Variants in PLCB1 observed in about 807,000 individuals in gnomAD.
PLCB1 encodes the protein 1-phosphatidylinositol 4,5-bisphosphate phosphodiesterase beta-1.
A neutral mutation model predicts 161.8 loss-of-function variants in PLCB1; 46 were observed. The observed-to-expected ratio is 0.28, with a 90% CI of 0.22 to 0.36. PLCB1 has a LOEUF of 0.36. PLCB1 is among the 10% of genes least tolerant of loss of function. The pLI is 1.00. For synonymous variants in PLCB1, 517 were observed against 503.7 expected, an observed-to-expected ratio of 1.03 and a Z score of -0.35; for missense variants, 1,016 against 1,472.5, an observed-to-expected ratio of 0.69 and a Z score of 5.07.
intron 11 of PLCB1, among the ~76,000 whole-genome samples, chr20:8,705,392 T>C (rs1025898440): frequency 6.6e-6 from 1 of 152,204 alleles, no homozygotes; most frequent in Non-Finnish European, 1.5e-5. Context: ...TGAAAGTATT[T>C]CCTGAGCATC....
intron 2 of PLCB1, among the ~76,000 whole-genome samples, chr20:8,273,351 T>C (rs1467060988): frequency 6.6e-6 from 1 of 152,124 alleles, no homozygotes; most frequent in Non-Finnish European, 1.5e-5. Flanking sequence ...AGTCTAAAGG[T>C]CTCGAAGTTG....
At chr20:8,790,407 GAA>G (rs749868739) in intron 31 of PLCB1, 146 bp downstream of exon 31, 1 of 586,780 alleles carries the variant, frequency 1.7e-6, no homozygotes, top group African/African-American at 1.9e-5. Flanking sequence ...CTCAATGAAG[GAA>G]AAAATATAGC....
At chr20:8,217,860 GT>G (rs762689649) in intron 2 of PLCB1, among the ~76,000 whole-genome samples, 7 of 152,050 alleles carry the variant, frequency 4.6e-5, no homozygotes, top group Non-Finnish European at 8.8e-5. Context: ...TTACTCTCTT[GT>G]TCTTGCTCCC....
Position 8,740,442 on chromosome 20 carries a change from T to C in PLCB1, c.2407T>C (p.Tyr803His). Reference protein sequence around the residue: ...IEVKDYVPDTYADVIEALSNP... With the variant: ...IEVKDYVPDTHADVIEALSNP... ...AGTGAAAGACTATGTGCCAGACACA[T>C]ATGCAGGTAAACAACTTAACTCAAA... Residue 803 changes from tyrosine (Y) to histidine (H), a missense_variant, in exon 22 of 32, where the codon TAT becomes CAT. Tyr to His is a moderately conservative substitution (Grantham distance 83). Coordinates refer to ENST00000338037, the MANE Select transcript of PLCB1 (RefSeq NM_015192.4). The C allele has an allele frequency of 6.4e-7, 1 of 1,556,658 alleles. No individual in the cohort carries two copies.
rs551885672 is a variant in PLCB1, at chr20:8,579,318, G to A, written c.247-48976G>A. On this transcript the variant is annotated intron_variant, in intron 3 of 31. Transcript: ENST00000338037. ...TCCGGCCAGAGGAGGAATCACATGGGCTAGAGCTGAGTATCCACAGTTGTC... is the reference window on the plus strand; with the variant it reads ...TCCGGCCAGAGGAGGAATCACATGGACTAGAGCTGAGTATCCACAGTTGTC... Among the ~76,000 whole-genome samples the A allele has an allele frequency of 5.3e-5, 8 of 152,320 alleles. No individual in the cohort carries two copies. The East Asian group carries it at 1.5e-3, about 29-fold the overall frequency.
intron 16 of PLCB1, among the ~76,000 whole-genome samples, chr20:8,726,367 C>A (rs1299945918): frequency 6.6e-6 from 1 of 152,124 alleles, no homozygotes; most frequent in Non-Finnish European, 1.5e-5. Flanking sequence ...ATCCTCCTCT[C>A]TGGCCTCTAT....
intron 31 of PLCB1, among the ~76,000 whole-genome samples, chr20:8,808,303 C>T (rs1984640829): frequency 6.6e-6 from 1 of 152,168 alleles, no homozygotes; most frequent in Non-Finnish European, 1.5e-5. Context: ...TCTGGGTTTG[C>T]AGACAGTGGC....
intron 3 of PLCB1, among the ~76,000 whole-genome samples, chr20:8,539,664 C>CTTTCTTTTTCTT (rs1555768766): frequency 1.1e-5 from 1 of 93,744 alleles, no homozygotes; most frequent in African/African-American, 4.4e-5. Context: ...TTCTTTCTTT[C>CTTTCTTTTTCTT]TTTCTTTCTT....
chr20:8,879,515 C>T (rs914288212), intron 31 of PLCB1, among the ~76,000 whole-genome samples: 10 of 151,804 alleles, frequency 6.6e-5, no homozygotes, highest in African/African-American at 1.9e-4. Context: ...TATGACAGGG[C>T]ATACATGAAA....
intron 10 of PLCB1, among the ~76,000 whole-genome samples, chr20:8,692,973 T>A (rs913359885): frequency 1.3e-5 from 2 of 151,938 alleles, no homozygotes; most frequent in Admixed American, 6.6e-5. Flanking sequence ...CTGAGAAGAA[T>A]CAAGATTTAC....
At position 8,736,947 on chromosome 20, in the gene PLCB1, G is replaced by A. The variant is rs886718404; in HGVS notation, c.2044-81G>A. 5.8e-6 allele frequency: 6 copies of A among 1,037,800 alleles called. No individual in the cohort carries two copies. In the African/African-American group the frequency reaches 8.0e-5, roughly 14 times the overall value. The allele number at this position is 1,037,800 out of a possible 1,614,324, so 64.3% of individuals were successfully genotyped here. On this transcript the variant is annotated intron_variant, in intron 19 of 31. Coordinates refer to ENST00000338037, the MANE Select transcript of PLCB1 (RefSeq NM_015192.4). ...CAACATTTGCTGAAGAGCATTTGTG[G>A]CTCTTTAAAGTATTCTCTTATGTCT... is the stretch of plus-strand genomic sequence containing the variant.
chr20:8,133,645 C>G (rs1008714560), intron 1 of PLCB1, among the ~76,000 whole-genome samples: 3 of 152,142 alleles, frequency 2.0e-5, no homozygotes, highest in Non-Finnish European at 4.4e-5. Flanking sequence ...AGTTATCCAG[C>G]TGAAAACATG....
intron 4 of PLCB1, among the ~76,000 whole-genome samples, chr20:8,638,174 G>A (rs932567175): frequency 7.2e-5 from 11 of 152,178 alleles, no homozygotes; most frequent in Non-Finnish European, 1.3e-4. Flanking sequence ...GATTACAGGC[G>A]TGAGCCACCG....
intron 24 of PLCB1, 41 bp downstream of exon 24, chr20:8,757,219 C>T (rs765110278): frequency 6.4e-7 from 1 of 1,565,340 alleles, no homozygotes; most frequent in East Asian, 2.3e-5. Flanking sequence ...GAGCAAGATC[C>T]TCCAGTTCAT....
intron 3 of PLCB1, among the ~76,000 whole-genome samples, chr20:8,541,668 G>A (rs983239738): frequency 2.0e-5 from 3 of 152,144 alleles, no homozygotes; most frequent in African/African-American, 4.8e-5. Context: ...TTCATCAGAT[G>A]TATAACTTAC....
chr20:8,533,899 T>C (rs977400229), intron 3 of PLCB1, among the ~76,000 whole-genome samples: 1 of 152,234 alleles, frequency 6.6e-6, no homozygotes, highest in African/African-American at 2.4e-5. Context: ...TTGTCTTTTG[T>C]TGACATTGCT....
intron 2 of PLCB1, among the ~76,000 whole-genome samples, chr20:8,187,747 A>T (rs1237674507): frequency 6.6e-6 from 1 of 152,158 alleles, no homozygotes; most frequent in African/African-American, 2.4e-5. Flanking sequence ...TGAGTTCCTG[A>T]CACCAGAGCC....
intron 31 of PLCB1, among the ~76,000 whole-genome samples, chr20:8,852,001 TAAA>T (rs1986905117): frequency 6.6e-6 from 1 of 152,144 alleles, no homozygotes; most frequent in African/African-American, 2.4e-5. Flanking sequence ...TAGCAATTTT[TAAA>T]AACCCGACTA....
intron 3 of PLCB1, among the ~76,000 whole-genome samples, chr20:8,428,863 CA>C (rs1458623655): frequency 6.6e-6 from 1 of 152,124 alleles, no homozygotes; most frequent in Non-Finnish European, 1.5e-5. Flanking sequence ...GCATCTCCTA[CA>C]AAAACTTCTC....
Sources: allele counts gnomAD v4.1 joint callset (sites outside exome capture counted in the v4.1 genomes callset), GRCh38; gene constraint gnomAD v4.1.1; transcripts MANE v1.5; gene names NCBI Gene and HGNC (gene_info 2026-07-23, HGNC 2026-07-21).